The following CTXND2 variants were observed in gnomAD, a reference collection of about 807,000 sequenced individuals.
The protein encoded by CTXND2 is cortexin domain containing 2.
At chr1:150,902,969 C>T (rs1249115629) in intron 1 of CTXND2, among the ~76,000 whole-genome samples, 1 of 152,120 alleles carries the variant, frequency 6.6e-6, no homozygotes, top group African/African-American at 2.4e-5. Flanking sequence ...TTTATCCCCT[C>T]AAGGTGAATA....
chr1:150,900,353 C>T (rs1249718730), intron 1 of CTXND2, among the ~76,000 whole-genome samples: 1 of 152,002 alleles, frequency 6.6e-6, no homozygotes, highest in Non-Finnish European at 1.5e-5. Flanking sequence ...GACCACAAAC[C>T]CACTGGAAGG....
chr1:150,888,993 C>T (rs1006959726), intron 1 of CTXND2, among the ~76,000 whole-genome samples: 2 of 152,000 alleles, frequency 1.3e-5, no homozygotes, highest in Non-Finnish European at 2.9e-5. Context: ...AATGAATCAC[C>T]GTGCCTAGCC....
At chr1:150,908,717 G>A (rs953330534) in intron 1 of CTXND2, among the ~76,000 whole-genome samples, 2 of 151,510 alleles carry the variant, frequency 1.3e-5, no homozygotes, top group African/African-American at 4.9e-5. Context: ...TGAACTCCTG[G>A]GCTCAAAGGA....
chr1:150,897,550 C>T (rs1261951046), intron 1 of CTXND2, among the ~76,000 whole-genome samples: 1 of 152,074 alleles, frequency 6.6e-6, no homozygotes, highest in Non-Finnish European at 1.5e-5. Context: ...TCTCAAACTC[C>T]AAGCTCAAGC....
intron 1 of CTXND2, among the ~76,000 whole-genome samples, chr1:150,900,262 A>G (rs587660964): frequency 8.5e-5 from 13 of 152,246 alleles, no homozygotes; most frequent in African/African-American, 3.1e-4. Context: ...ACCGAGAGGA[A>G]CGAACAACTC....
intron 1 of CTXND2, among the ~76,000 whole-genome samples, chr1:150,901,105 C>G (rs1669017783): frequency 6.6e-6 from 1 of 152,120 alleles, no homozygotes; most frequent in African/African-American, 2.4e-5. Flanking sequence ...GAGTGAGACC[C>G]TGTCTCAGAA....
intron 1 of CTXND2, among the ~76,000 whole-genome samples, chr1:150,910,882 G>A (rs995357976): frequency 6.6e-5 from 10 of 151,908 alleles, no homozygotes; most frequent in South Asian, 2.1e-4. Flanking sequence ...TCGGCTCACC[G>A]CAAGCTCTGC....
chr1:150,906,750 T>C (rs1043280930), intron 1 of CTXND2, among the ~76,000 whole-genome samples: 3 of 152,110 alleles, frequency 2.0e-5, no homozygotes, highest in Admixed American at 2.0e-4. Flanking sequence ...GTCTGGCCAC[T>C]CCCCTTGAAG....
At chr1:150,904,320 G>A in intron 1 of CTXND2, 2 of 371,504 alleles carry the variant, frequency 5.4e-6, no homozygotes, top group South Asian at 4.4e-5. Context: ...ATGAATGACT[G>A]ACAGAATATT....
chr1:150,903,577 A>G (rs1571603450), intron 1 of CTXND2, among the ~76,000 whole-genome samples: 3 of 152,086 alleles, frequency 2.0e-5, no homozygotes, highest in African/African-American at 7.2e-5. Context: ...AGGCAGGTGG[A>G]TCAGGAGGTC....
intron 1 of CTXND2, chr1:150,903,795 C>T (rs1669086179): frequency 9.9e-6 from 4 of 402,216 alleles, no homozygotes; most frequent in African/African-American, 2.1e-5. Flanking sequence ...TGTGAAACTC[C>T]GTCTCAAAAA....
At chr1:150,904,028 G>A (rs587733256) in intron 1 of CTXND2, 24 of 654,036 alleles carry the variant, frequency 3.7e-5, no homozygotes, top group South Asian at 3.3e-4. Context: ...AGGTCAGGCT[G>A]TTGGATTCTC....
intron 1 of CTXND2, among the ~76,000 whole-genome samples, chr1:150,901,117 A>G (rs1297552036): frequency 6.6e-6 from 1 of 152,220 alleles, no homozygotes; most frequent in Non-Finnish European, 1.5e-5. Flanking sequence ...GTCTCAGAAA[A>G]ACACAAACAG....
intron 1 of CTXND2, among the ~76,000 whole-genome samples, chr1:150,904,889 T>C (rs913020183): frequency 5.9e-5 from 9 of 152,132 alleles, no homozygotes; most frequent in African/African-American, 2.2e-4. Context: ...TCAAACTAAG[T>C]TATAATTTAG....
intron 1 of CTXND2, among the ~76,000 whole-genome samples, chr1:150,893,892 C>T (rs991748780): frequency 1.3e-5 from 2 of 152,094 alleles, no homozygotes; most frequent in Non-Finnish European, 2.9e-5. Context: ...AAAAATTGCA[C>T]CCTCAGGCAT....
chr1:150,905,062 C>CA (rs1553235745), intron 1 of CTXND2, among the ~76,000 whole-genome samples: 8 of 130,766 alleles, frequency 6.1e-5, no homozygotes, highest in Non-Finnish European at 1.3e-4. Context: ...AAAAAGAAAA[C>CA]CACACACACA....
intron 1 of CTXND2, among the ~76,000 whole-genome samples, chr1:150,902,704 A>G (rs1336355893): frequency 6.6e-6 from 1 of 152,060 alleles, no homozygotes; most frequent in Non-Finnish European, 1.5e-5. Context: ...TTACTATTTC[A>G]CATACTCAAA....
intron 1 of CTXND2, among the ~76,000 whole-genome samples, chr1:150,906,834 C>T (rs969222383): frequency 6.6e-6 from 1 of 152,164 alleles, no homozygotes; most frequent in Admixed American, 6.6e-5. Context: ...CATGTGATAT[C>T]CAACGTGAGT....
chr1:150,907,704 CTTTTTTTT>C (rs34842844), intron 1 of CTXND2, among the ~76,000 whole-genome samples: 16 of 71,460 alleles, frequency 2.2e-4, no homozygotes, highest in Admixed American at 1.7e-3. Flanking sequence ...CATATGGTGG[CTTTTTTTT>C]TTTTTTTTTT....
Sources: allele counts gnomAD v4.1 joint callset (sites outside exome capture counted in the v4.1 genomes callset), GRCh38; gene constraint gnomAD v4.1.1; transcripts MANE v1.5; gene names NCBI Gene and HGNC (gene_info 2026-07-23, HGNC 2026-07-21).